The following CEP70 variants were observed in gnomAD, a reference collection of about 807,000 sequenced individuals.
CEP70 encodes centrosomal protein 70.
Under a neutral mutation model 90.9 loss-of-function variants are expected in CEP70, and 70 were observed. That is an observed-to-expected ratio of 0.77 (90% CI 0.64 to 0.94). CEP70 has a LOEUF of 0.94. Among genes scored for constraint, CEP70 ranks in the 40% least tolerant of loss-of-function variants. The pLI is 0.00. For synonymous variants in CEP70, 220 were observed against 228.3 expected (o/e 0.96, Z 0.33); for missense variants, 648 against 669.0 (o/e 0.97, Z 0.35).
At chr3:138,513,807 T>C (rs896078716) in intron 11 of CEP70, among the ~76,000 whole-genome samples, 1 of 152,216 alleles carries the variant, frequency 6.6e-6, no homozygotes, top group Non-Finnish European at 1.5e-5. Context: ...GTTTATCTTA[T>C]AGGGACAGAC....
intron 16 of CEP70, among the ~76,000 whole-genome samples, chr3:138,499,056 GAAAAGAAA>G (rs1044539754): frequency 6.6e-5 from 10 of 150,786 alleles, no homozygotes; most frequent in Non-Finnish European, 1.5e-4. Flanking sequence ...AAAAAAAAAA[GAAAAGAAA>G]AAAAGAAAAA....
intron 7 of CEP70, among the ~76,000 whole-genome samples, chr3:138,535,416 T>C (rs1386266939): frequency 6.6e-6 from 1 of 152,212 alleles, no homozygotes; most frequent in East Asian, 1.9e-4. Flanking sequence ...ATCTGCTTTA[T>C]ATTTTACTTA....
At chr3:138,574,259 G>T (rs2041369167) in intron 2 of CEP70, among the ~76,000 whole-genome samples, 1 of 152,196 alleles carries the variant, frequency 6.6e-6, no homozygotes, top group African/African-American at 2.4e-5. Context: ...TTTTCCAATG[G>T]TCTCAGCAAG....
chr3:138,573,731 C>T (rs1217801924), intron 2 of CEP70, among the ~76,000 whole-genome samples: 1 of 152,090 alleles, frequency 6.6e-6, no homozygotes, highest in African/African-American at 2.4e-5. Flanking sequence ...TTAAAATGCA[C>T]AGTAACAGAA....
At chr3:138,515,889 T>C (rs1313630934) in intron 11 of CEP70, among the ~76,000 whole-genome samples, 1 of 152,172 alleles carries the variant, frequency 6.6e-6, no homozygotes. Flanking sequence ...ATCTCATTAG[T>C]GGCACTGACA....
At chr3:138,516,296 A>G (rs1422868979) in intron 11 of CEP70, among the ~76,000 whole-genome samples, 3 of 152,164 alleles carry the variant, frequency 2.0e-5, no homozygotes, top group South Asian at 4.1e-4. Context: ...GTAGGAAGGG[A>G]ATAATTATTC....
chr3:138,579,747 G>A (rs770767311), intron 2 of CEP70, among the ~76,000 whole-genome samples: 2 of 151,938 alleles, frequency 1.3e-5, no homozygotes, highest in Non-Finnish European at 2.9e-5. Flanking sequence ...GGCATTGGGT[G>A]AGACTCAGAC....
At position 138,494,991 on chromosome 3, in the gene CEP70, CA is replaced by C; in HGVS notation, c.*23del. ...CAAAATGTTAAGAATACAATTTACA[CA>C]GTAAAAATGATTTGATTTGTTTTCA... On this transcript the variant is annotated 3_prime_UTR_variant, in exon 18 of 18. Transcript: ENST00000264982. The C allele has an allele frequency of 8.2e-7, 1 of 1,213,010 alleles. No individual in the cohort carries two copies. Among genetic ancestry groups the C allele is most frequent in the Non-Finnish European group, 1.2e-6 (1 of 831,010 alleles). 75.1% of individuals were successfully genotyped at this position (1,213,010 alleles called of 1,614,324 possible). A position where few individuals can be genotyped will look rare whatever the true frequency, so the allele number is the denominator to read the frequency against.
intron 6 of CEP70, among the ~76,000 whole-genome samples, chr3:138,568,988 AAC>A (rs1560430868): frequency 6.7e-6 from 1 of 150,150 alleles, no homozygotes; most frequent in Non-Finnish European, 1.5e-5. Context: ...TGTCTAAAAA[AAC>A]AAACAAAAAA....
chr3:138,530,329 C>T (rs569581869), intron 8 of CEP70, among the ~76,000 whole-genome samples: 3 of 152,148 alleles, frequency 2.0e-5, no homozygotes, highest in African/African-American at 2.4e-5. Flanking sequence ...TTCACTTTAA[C>T]TATTGTATCA....
intron 11 of CEP70, among the ~76,000 whole-genome samples, chr3:138,517,805 C>A (rs2036184806): frequency 6.6e-6 from 1 of 152,244 alleles, no homozygotes; most frequent in Admixed American, 6.5e-5. Context: ...GTACGAGGTT[C>A]ATCTCACTGG....
chr3:138,530,617 G>A, intron 8 of CEP70: 1 of 985,336 alleles, frequency 1.0e-6, no homozygotes. Flanking sequence ...TTCTTCCTTT[G>A]GTCTTGCTGC....
At chr3:138,557,665 G>T (rs2040114775) in intron 6 of CEP70, among the ~76,000 whole-genome samples, 1 of 152,096 alleles carries the variant, frequency 6.6e-6, no homozygotes. Context: ...AGAGGGAAAG[G>T]GTGAAAAGGG....
intron 2 of CEP70, among the ~76,000 whole-genome samples, chr3:138,573,368 A>G (rs1264708884): frequency 6.6e-6 from 1 of 151,658 alleles, no homozygotes; most frequent in African/African-American, 2.4e-5. Flanking sequence ...ACATATTGCA[A>G]CTGGGATACA....
At chr3:138,591,293 A>C (rs1344119261) in intron 2 of CEP70, among the ~76,000 whole-genome samples, 3 of 152,202 alleles carry the variant, frequency 2.0e-5, no homozygotes, top group East Asian at 3.9e-4. Context: ...TGTATATGAA[A>C]CAATAAATGA....
At chr3:138,559,472 C>G (rs528229876) in intron 6 of CEP70, among the ~76,000 whole-genome samples, 1 of 152,358 alleles carries the variant, frequency 6.6e-6, no homozygotes, top group South Asian at 2.1e-4. Context: ...GTGGCTCACG[C>G]CTGTAATCCC....
At chr3:138,523,921 A>G (rs1485309462) in intron 11 of CEP70, among the ~76,000 whole-genome samples, 2 of 151,868 alleles carry the variant, frequency 1.3e-5, no homozygotes, top group Non-Finnish European at 2.9e-5. Context: ...TGCCAAGTCA[A>G]TCCTAAGCCA....
chr3:138,529,125 C>A, intron 10 of CEP70, 74 bp downstream of exon 10: 1 of 840,926 alleles, frequency 1.2e-6, no homozygotes, highest in South Asian at 1.7e-5. Context: ...GTGATCACAC[C>A]ACTGCACTTG....
intron 11 of CEP70, among the ~76,000 whole-genome samples, chr3:138,522,383 T>C (rs2108797617): frequency 6.8e-6 from 1 of 147,384 alleles, no homozygotes; most frequent in Non-Finnish European, 1.5e-5. Flanking sequence ...AGAGCAGAAC[T>C]GAAGGAAATA....
Sources: gnomAD v4.1 joint callset for allele counts (sites outside exome capture counted in the v4.1 genomes callset) on GRCh38, gnomAD v4.1.1 for gene constraint, MANE v1.5 for transcripts, NCBI Gene and HGNC (gene_info 2026-07-23, HGNC 2026-07-21) for gene names.